MAEA: variants seen among roughly 807,000 people sequenced by gnomAD.
MAEA encodes E3 ubiquitin-protein transferase MAEA.
Under a neutral mutation model 46.2 loss-of-function variants are expected in MAEA, and 22 were observed. The observed-to-expected ratio is 0.48, with a 90% CI of 0.34 to 0.68. The LOEUF is 0.68. Among genes scored for constraint, MAEA ranks in the 30% least tolerant of loss-of-function variants. The probability of loss-of-function intolerance (pLI) is 0.01; values close to 1 mark genes in which losing one functional copy is unlikely to be tolerated. For synonymous variants in MAEA, 246 were observed against 222.6 expected (o/e 1.11, Z -0.94); for missense variants, 393 against 558.1 (o/e 0.70, Z 2.98).
intron 2 of MAEA, chr4:1,312,525 G>T (rs1206970405): frequency 4.8e-6 from 1 of 207,504 alleles, no homozygotes; most frequent in African/African-American, 2.5e-5. Flanking sequence ...CACCTCCGGG[G>T]TTCAGGCGAT....
At chr4:1,304,464 G>A (rs987959052) in intron 1 of MAEA, among the ~76,000 whole-genome samples, 6 of 151,990 alleles carry the variant, frequency 3.9e-5, no homozygotes, top group East Asian at 1.9e-4. Context: ...TATTTGAGAC[G>A]GAGTCTCGCA....
chr4:1,309,751 C>G, intron 1 of MAEA: 1 of 1,495,476 alleles, frequency 6.7e-7, no homozygotes, highest in Non-Finnish European at 8.9e-7. Context: ...CTGCGTTCTG[C>G]GTAACCGTGG....
chr4:1,312,128 CG>C lies in MAEA; in HGVS notation c.220del (p.Val74TrpfsTer55). On this transcript the variant is annotated frameshift_variant, in exon 2 of 9. Transcript: ENST00000303400. LOFTEE classifies it high-confidence loss of function. ...ACTCCGTGGTCAGCCTGCTGGACGGCGTGGTGGAGAAGCTCAGCGTCCTCAA... is the reference window on the plus strand; with the variant it reads ...ACTCCGTGGTCAGCCTGCTGGACGGCTGGTGGAGAAGCTCAGCGTCCTCAA... ...VDSVVSLLDGVVEKLSVLKRK... is the reference protein window; with the variant it reads ...VDSVVSLLDGXVEKLSVLKRK... The C allele has an allele frequency of 6.2e-7, 1 of 1,613,884 alleles. No individual in the cohort carries two copies. Among genetic ancestry groups the C allele is most frequent in the Non-Finnish European group, 8.5e-7 (1 of 1,180,046 alleles).
intron 1 of MAEA, among the ~76,000 whole-genome samples, chr4:1,302,740 A>T (rs1286303108): frequency 6.6e-6 from 1 of 152,204 alleles, no homozygotes; most frequent in African/African-American, 2.4e-5. Context: ...TCAGCCTCCC[A>T]AAGTGCTGGG....
intron 1 of MAEA, among the ~76,000 whole-genome samples, chr4:1,295,209 AG>A (rs1734518916): frequency 6.6e-6 from 1 of 152,016 alleles, no homozygotes; most frequent in Admixed American, 6.6e-5. Context: ...CTTCAGGCCG[AG>A]TGGGGATGTC....
At chr4:1,336,417 C>A (rs561495546) in intron 6 of MAEA, among the ~76,000 whole-genome samples, 4 of 151,754 alleles carry the variant, frequency 2.6e-5, no homozygotes, top group Admixed American at 2.6e-4. Context: ...ATGTTGAAAT[C>A]GGAGTTAAGT....
At chr4:1,319,640 G>T (rs1737754822) in intron 3 of MAEA, among the ~76,000 whole-genome samples, 1 of 152,274 alleles carries the variant, frequency 6.6e-6, no homozygotes, top group South Asian at 2.1e-4. Context: ...GGAGACCAGG[G>T]TGGGAGCATC....
chr4:1,309,712 G>A (rs1316675706), intron 1 of MAEA: 7 of 1,525,594 alleles, frequency 4.6e-6, no homozygotes, highest in Middle Eastern at 2.0e-4. Flanking sequence ...CCGTGGCCCC[G>A]GTGAGCCCCT....
At position 1,334,101 on chromosome 4, in the gene MAEA, CTACCGTGCT is replaced by C. The variant is rs1403432209; in HGVS notation, c.765+1237_765+1245del. On this transcript the variant is annotated intron_variant, in intron 6 of 8. Transcript: ENST00000303400. ...GCTCACCCCTGCACCCATCCCATGCCTACCGTGCTCACCCCCATGCCCACCCCATGCCCA... is the reference window on the plus strand; with the variant it reads ...GCTCACCCCTGCACCCATCCCATGCCCACCCCCATGCCCACCCCATGCCCA... Among the ~76,000 whole-genome samples, 23 of 26,362 alleles carry C rather than the reference CTACCGTGCT, an allele frequency of 8.7e-4. 4 individuals are homozygous for C. The highest frequency in any genetic ancestry group is 4.4e-4 in the African/African-American group (2 of 4,588). 17.3% of individuals were successfully genotyped at this position (26,362 alleles called of 152,430 possible).
At chr4:1,334,343 G>A (rs1236987705) in intron 6 of MAEA, among the ~76,000 whole-genome samples, 1 of 150,296 alleles carries the variant, frequency 6.7e-6, no homozygotes, top group Non-Finnish European at 1.5e-5. Flanking sequence ...AAAGCCCTGG[G>A]CAGTCCCAGA....
chr4:1,318,092 C>G (rs1737533260), intron 3 of MAEA, among the ~76,000 whole-genome samples: 1 of 151,988 alleles, frequency 6.6e-6, no homozygotes, highest in Non-Finnish European at 1.5e-5. Flanking sequence ...CCACCCGCCT[C>G]CCTGGCCCCG....
intron 1 of MAEA, among the ~76,000 whole-genome samples, chr4:1,304,430 G>C (rs1735637822): frequency 2.0e-5 from 3 of 152,026 alleles, no homozygotes; most frequent in Admixed American, 1.3e-4. Flanking sequence ...CACCATGCTT[G>C]GCCCTGAAAA....
At chr4:1,320,761 G>A (rs1362841648) in intron 3 of MAEA, among the ~76,000 whole-genome samples, 1 of 152,130 alleles carries the variant, frequency 6.6e-6, no homozygotes, top group Non-Finnish European at 1.5e-5. Context: ...AAGCGAACAT[G>A]CAAGAAAACG....
At position 1,289,900 on chromosome 4, in the gene MAEA, T is replaced by G; in HGVS notation, c.-14T>G. The G allele has an allele frequency of 6.3e-7, 1 of 1,592,660 alleles. No individual in the cohort carries two copies. Among genetic ancestry groups the G allele is most frequent in the Non-Finnish European group, 8.6e-7 (1 of 1,168,698 alleles). On this transcript the variant is annotated 5_prime_UTR_variant, in exon 1 of 9. Transcript: ENST00000303400. ...CGCGCGTCCCCCGCCCGCTAATGTT[T>G]TGGCCGCTTCAAGATGGCGGTGCAG...
intron 7 of MAEA, 169 bp from the exon 8 acceptor site, chr4:1,338,253 T>A (rs989158067): frequency 1.8e-6 from 1 of 552,778 alleles, no homozygotes; most frequent in Non-Finnish European, 3.2e-6. Context: ...TGGGGCTGTT[T>A]AGCTGTCGAG....
At chr4:1,308,605 C>T (rs866767673) in intron 1 of MAEA, among the ~76,000 whole-genome samples, 5 of 152,232 alleles carry the variant, frequency 3.3e-5, no homozygotes, top group East Asian at 3.8e-4. Context: ...GAGTGATCGC[C>T]GTCCTAACGG....
In MAEA at chr4:1,338,633, C is replaced by A. The variant is rs1036833444; in HGVS notation, c.1095+16C>A. 1.3e-6 allele frequency: 2 copies of A among 1,582,932 alleles called. No homozygotes were observed. Among genetic ancestry groups the A allele is most frequent in the Non-Finnish European group, 1.7e-6 (2 of 1,164,888 alleles). ...CGGCTACAATGTGAGGGGGGCAGGG[C>A]AGGGGGGCCAGGCTGGCACGCATCG... On this transcript the variant is annotated intron_variant, in intron 8 of 8. Transcript: ENST00000303400.
At position 1,322,835 on chromosome 4, in the gene MAEA, C is replaced by T. The variant is rs543354010; in HGVS notation, c.579+332C>T. Reference sequence around the variant, plus strand: ...TCAGTCCTGCTCCATGGGGGTACTCCATGGGCTCCCTGTGCTCAGTCATAG... The same window carrying T: ...TCAGTCCTGCTCCATGGGGGTACTCTATGGGCTCCCTGTGCTCAGTCATAG... On this transcript the variant is annotated intron_variant, in intron 4 of 8. Transcript: ENST00000303400. Among the ~76,000 whole-genome samples the T allele has an allele frequency of 2.0e-5, 3 of 151,938 alleles. No homozygotes were observed. The South Asian group carries it at 6.2e-4, about 32-fold the overall frequency.
At chr4:1,337,486 C>T (rs1053958074) in intron 7 of MAEA, 8 of 198,186 alleles carry the variant, frequency 4.0e-5, no homozygotes, top group African/African-American at 1.5e-4. Flanking sequence ...GCCTGTGACT[C>T]ACTCGGCTCC....
Sources: allele counts gnomAD v4.1 joint callset (sites outside exome capture counted in the v4.1 genomes callset), GRCh38; gene constraint gnomAD v4.1.1; transcripts MANE v1.5; gene names NCBI Gene and HGNC (gene_info 2026-07-23, HGNC 2026-07-21).